MOB1B: variants seen among roughly 807,000 people sequenced by gnomAD.
MOB1B encodes the protein MOB kinase activator 1B.
Under a neutral mutation model 24.4 loss-of-function variants are expected in MOB1B, and 19 were observed. The ratio of observed to expected loss-of-function variants is 0.78; its 90% CI spans 0.54 to 1.14. The LOEUF is 1.14. MOB1B is among the 50% of genes most tolerant of loss of function. The pLI is 0.00. For synonymous variants in MOB1B, 76 were observed against 82.1 expected (o/e 0.93, Z 0.40); for missense variants, 243 against 259.6 (o/e 0.94, Z 0.44).
chr4:70,902,653 C>T, intron 1 of MOB1B, 103 bp downstream of exon 1: 2 of 1,140,624 alleles, frequency 1.8e-6, no homozygotes, highest in Admixed American at 3.8e-5. Flanking sequence ...CCCTCCTGGC[C>T]CAGCGCTCCC....
chr4:70,911,467 A>G (rs1735986491), intron 1 of MOB1B, among the ~76,000 whole-genome samples: 1 of 151,906 alleles, frequency 6.6e-6, no homozygotes. Context: ...TTTTGAGGGA[A>G]TGTGGGGAGT....
intron 3 of MOB1B, 44 bp from the exon 4 acceptor site, chr4:70,975,109 G>C (rs1243628428): frequency 6.7e-7 from 1 of 1,489,686 alleles, no homozygotes; most frequent in Non-Finnish European, 9.1e-7. Context: ...ACTGTGTATA[G>C]GTATATACTA....
chr4:70,924,567 TG>T (rs1736576081), intron 1 of MOB1B, among the ~76,000 whole-genome samples: 1 of 152,180 alleles, frequency 6.6e-6, no homozygotes, highest in Non-Finnish European at 1.5e-5. Flanking sequence ...TGTGCCGTGT[TG>T]GTTTGCTGCA....
Position 70,965,126 on chromosome 4 carries a change from G to A in MOB1B, c.182-4805G>A, listed in dbSNP as rs903928853. Among the ~76,000 whole-genome samples, 8 of 151,482 alleles carry A rather than the reference G, an allele frequency of 5.3e-5. No individual in the cohort carries two copies. The South Asian group carries it at 6.3e-4, about 12-fold the overall frequency. The stretch of plus-strand genomic sequence containing the variant: ...AGCCTGGCCAACATGGTGGAACCCC[G>A]TCTGTATTAAAAATACAAAAATTAG... On this transcript the variant is annotated intron_variant, in intron 2 of 5. Transcript: ENST00000309395.
At chr4:70,975,734 A>C (rs1738957443) in intron 4 of MOB1B, 1 of 978,580 alleles carries the variant, frequency 1.0e-6, no homozygotes, top group African/African-American at 1.8e-5. Flanking sequence ...CTTTCAGTAG[A>C]AAGTTCTAGA....
intron 1 of MOB1B, among the ~76,000 whole-genome samples, chr4:70,931,835 A>G (rs1294624429): frequency 3.3e-5 from 5 of 152,122 alleles, no homozygotes; most frequent in East Asian, 3.8e-4. Flanking sequence ...GGCTCAAGCA[A>G]TCCTCCCATC....
chr4:70,952,924 TGTCATTTG>T (rs1220904562), intron 1 of MOB1B, among the ~76,000 whole-genome samples: 2 of 150,570 alleles, frequency 1.3e-5, no homozygotes, highest in East Asian at 3.9e-4. Context: ...TCTGTCATTT[TGTCATTTG>T]GTCTTTTTTT....
intron 3 of MOB1B, among the ~76,000 whole-genome samples, chr4:70,974,768 T>C (rs956114126): frequency 6.6e-6 from 1 of 152,240 alleles, no homozygotes; most frequent in Admixed American, 6.5e-5. Context: ...AAAAGAATTG[T>C]ACTGTGTAAG....
chr4:70,933,471 G>T (rs1424499241), intron 1 of MOB1B, among the ~76,000 whole-genome samples: 2 of 148,426 alleles, frequency 1.3e-5, no homozygotes, highest in Non-Finnish European at 3.0e-5. Flanking sequence ...CTTTATTTTT[G>T]TCAGTGTTCT....
At chr4:70,930,906 T>C (rs990906431) in intron 1 of MOB1B, among the ~76,000 whole-genome samples, 2 of 152,150 alleles carry the variant, frequency 1.3e-5, no homozygotes, top group African/African-American at 4.8e-5. Flanking sequence ...ATGTCACTTT[T>C]GCAGTTGACT....
At chr4:70,976,047 G>A (rs536454750) in intron 4 of MOB1B, 19 of 262,178 alleles carry the variant, frequency 7.2e-5, no homozygotes, top group South Asian at 4.3e-4. Flanking sequence ...CTACAGACGC[G>A]TGCCACCACG....
chr4:70,929,381 G>C (rs1736789091), intron 1 of MOB1B, among the ~76,000 whole-genome samples: 1 of 151,984 alleles, frequency 6.6e-6, no homozygotes, highest in Non-Finnish European at 1.5e-5. Context: ...ATTTTCCCAT[G>C]TTGGCCAGGC....
chr4:70,952,789 T>G (rs1262226329), intron 1 of MOB1B, among the ~76,000 whole-genome samples: 3 of 152,006 alleles, frequency 2.0e-5, no homozygotes, highest in Non-Finnish European at 4.4e-5. Flanking sequence ...AAGATTTGTA[T>G]TTGTATGTCT....
chr4:70,921,148 A>G (rs1284070003), intron 1 of MOB1B, among the ~76,000 whole-genome samples: 2 of 152,194 alleles, frequency 1.3e-5, no homozygotes, highest in Non-Finnish European at 2.9e-5. Flanking sequence ...AAATTTTCCT[A>G]TTTAATTTAC....
chr4:70,973,381 G>A (rs547508579), intron 3 of MOB1B, among the ~76,000 whole-genome samples: 34 of 149,680 alleles, frequency 2.3e-4, no homozygotes, highest in African/African-American at 7.8e-4. Flanking sequence ...AAGATGGGAG[G>A]ATTGCTTGCG....
intron 1 of MOB1B, among the ~76,000 whole-genome samples, chr4:70,931,143 G>A (rs767430242): frequency 2.0e-5 from 3 of 152,072 alleles, no homozygotes; most frequent in Non-Finnish European, 4.4e-5. Flanking sequence ...GGTACCATAA[G>A]CTCATGCTTA....
At chr4:70,971,492 G>A (rs1738750336) in intron 3 of MOB1B, among the ~76,000 whole-genome samples, 1 of 146,476 alleles carries the variant, frequency 6.8e-6, no homozygotes, top group Admixed American at 6.8e-5. Flanking sequence ...ATGATAGAGT[G>A]AGACTCTGTC....
At chr4:70,963,574 C>CT (rs1181447013) in intron 2 of MOB1B, among the ~76,000 whole-genome samples, 2 of 149,852 alleles carry the variant, frequency 1.3e-5, no homozygotes, top group African/African-American at 4.9e-5. Context: ...AATCTTTGCA[C>CT]TTTGGGAGGC....
chr4:70,973,116 A>G (rs1738833160), intron 3 of MOB1B, among the ~76,000 whole-genome samples: 1 of 152,196 alleles, frequency 6.6e-6, no homozygotes, highest in African/African-American at 2.4e-5. Context: ...TTGAAAGTTA[A>G]TATTTTTAAA....
Sources: allele counts gnomAD v4.1 joint callset (sites outside exome capture counted in the v4.1 genomes callset), GRCh38; gene constraint gnomAD v4.1.1; transcripts MANE v1.5; gene names NCBI Gene and HGNC (gene_info 2026-07-23, HGNC 2026-07-21).